Variants in NCALD observed in about 807,000 individuals in gnomAD.
NCALD encodes the protein neurocalcin delta.
A neutral mutation model predicts 18.6 loss-of-function variants in NCALD; 10 were observed. The observed-to-expected ratio is 0.54, with a 90% CI of 0.33 to 0.91. The LOEUF (loss-of-function observed/expected upper bound fraction) is 0.91. Ranked by LOEUF, NCALD falls within the 40% of genes least tolerant of loss-of-function variation. The probability of loss-of-function intolerance (pLI) is 0.03; values close to 1 mark genes in which losing one functional copy is unlikely to be tolerated. For missense variants in NCALD, 184 were observed against 247.6 expected, an observed-to-expected ratio of 0.74 and a Z score of 1.72; for synonymous variants, 88 against 87.4, an observed-to-expected ratio of 1.01 and a Z score of -0.04.
upstream of NCALD, among the ~76,000 whole-genome samples, chr8:101,791,424 T>C (rs575104963): frequency 4.6e-5 from 7 of 152,188 alleles, no homozygotes; most frequent in South Asian, 1.5e-3. Flanking sequence ...TGCAAGCAAA[T>C]ATATAAAAAC....
Position 101,799,073 on chromosome 8 carries a change from G to A in NCALD, c.-19-79425C>T, listed in dbSNP as rs185126022. 1.3e-4 allele frequency among the ~76,000 whole-genome samples: 20 copies of A among 152,124 alleles called. No homozygotes were observed. The East Asian group carries it at 3.9e-3, about 29-fold the overall frequency. Reference sequence around the variant, plus strand: ...ATATTTGACAAAGGACTCATATCTAGGACATATAAAGAACTCTCAAAACTC... The same window carrying A: ...ATATTTGACAAAGGACTCATATCTAAGACATATAAAGAACTCTCAAAACTC... On this transcript the variant is annotated intron_variant, in intron 4 of 6. Coordinates refer to the NCALD transcript ENST00000311028.
intron 2 of NCALD, among the ~76,000 whole-genome samples, chr8:101,927,976 T>A (rs1315544992): frequency 6.6e-6 from 1 of 152,236 alleles, no homozygotes; most frequent in Non-Finnish European, 1.5e-5. Flanking sequence ...AATATTTTCA[T>A]GTCTATTTAA....
At chr8:101,857,567 TCTG>T (rs1172872339) in intron 4 of NCALD, among the ~76,000 whole-genome samples, 1 of 152,176 alleles carries the variant, frequency 6.6e-6, no homozygotes, top group Non-Finnish European at 1.5e-5. Flanking sequence ...TTTGATTTGC[TCTG>T]CTATTTCCAG....
At chr8:101,761,991 A>G (rs1811131108) in intron 1 of NCALD, among the ~76,000 whole-genome samples, 1 of 152,200 alleles carries the variant, frequency 6.6e-6, no homozygotes, top group South Asian at 2.1e-4. Flanking sequence ...CTATGGAAGG[A>G]GTTGGGCCCC....
intron 2 of NCALD, among the ~76,000 whole-genome samples, chr8:101,967,161 G>T (rs533548845): frequency 1.2e-4 from 18 of 152,236 alleles, no homozygotes; most frequent in African/African-American, 4.3e-4. Context: ...CTATCTGTTG[G>T]TGATAACATC....
chr8:101,965,984 T>C (rs1046184506), intron 2 of NCALD, among the ~76,000 whole-genome samples: 9 of 152,164 alleles, frequency 5.9e-5, no homozygotes, highest in Non-Finnish European at 8.8e-5. Context: ...AGCTTTTGTA[T>C]GTTAATAAAC....
At chr8:101,850,048 TGGAC>T (rs1815028248) in intron 4 of NCALD, among the ~76,000 whole-genome samples, 1 of 152,224 alleles carries the variant, frequency 6.6e-6, no homozygotes, top group African/African-American at 2.4e-5. Flanking sequence ...AAGAGGGCTC[TGGAC>T]TGAGCATGTA....
intron 2 of NCALD, among the ~76,000 whole-genome samples, chr8:101,983,727 G>A (rs1015094453): frequency 6.6e-6 from 1 of 152,182 alleles, no homozygotes; most frequent in Admixed American, 6.5e-5. Context: ...GCCTTTCTGG[G>A]CTTTGGTTGA....
chr8:101,815,186 C>T (rs988889703), intron 4 of NCALD, among the ~76,000 whole-genome samples: 5 of 152,024 alleles, frequency 3.3e-5, no homozygotes, highest in Non-Finnish European at 7.4e-5. Context: ...AAGAACAGAG[C>T]TGGAGGACTG....
intron 2 of NCALD, among the ~76,000 whole-genome samples, chr8:101,947,079 TG>T (rs1325164884): frequency 6.6e-6 from 1 of 152,134 alleles, no homozygotes; most frequent in Non-Finnish European, 1.5e-5. Context: ...CTCAAAGAAT[TG>T]TAACAGGAGA....
At chr8:101,703,814 T>C (rs1457369890) in intron 2 of NCALD, among the ~76,000 whole-genome samples, 1 of 152,134 alleles carries the variant, frequency 6.6e-6, no homozygotes, top group African/African-American at 2.4e-5. Flanking sequence ...TCCAGAGAGC[T>C]GTGGCAGGTC....
chr8:102,055,374 C>T (rs1823615523), intron 1 of NCALD, among the ~76,000 whole-genome samples: 1 of 152,082 alleles, frequency 6.6e-6, no homozygotes, highest in Admixed American at 6.6e-5. Context: ...GACCTGTTGT[C>T]CTCACAGCCA....
intron 1 of NCALD, among the ~76,000 whole-genome samples, chr8:101,771,560 G>A (rs1416419248): frequency 6.6e-6 from 1 of 152,146 alleles, no homozygotes; most frequent in Non-Finnish European, 1.5e-5. Context: ...GTACTACAGG[G>A]CCTACCAGGA....
chr8:101,835,337 C>T (rs556670706), intron 4 of NCALD, among the ~76,000 whole-genome samples: 63 of 152,342 alleles, frequency 4.1e-4, no homozygotes, highest in African/African-American at 1.4e-3. Flanking sequence ...CTCCCAACCC[C>T]GCTTCCCTCC....
intron 1 of NCALD, chr8:102,069,975 G>C (rs1056145159): frequency 1.1e-4 from 17 of 152,144 alleles, no homozygotes; most frequent in African/African-American, 3.9e-4. Flanking sequence ...TTAGCCAGAT[G>C]TGGTGGCACT....
chr8:101,863,495 C>T (rs907599857), intron 4 of NCALD, among the ~76,000 whole-genome samples: 1 of 151,842 alleles, frequency 6.6e-6, no homozygotes, highest in Admixed American at 6.6e-5. Context: ...CCTCTATCAT[C>T]AACTGCCTTC....
upstream of NCALD, among the ~76,000 whole-genome samples, chr8:101,794,901 T>A (rs181114182): frequency 1.3e-5 from 2 of 152,224 alleles, no homozygotes; most frequent in Non-Finnish European, 2.9e-5. Flanking sequence ...TTGTTTTTAT[T>A]TTTAAATTTT....
intron 1 of NCALD, among the ~76,000 whole-genome samples, chr8:101,775,736 AC>A (rs1811765007): frequency 6.6e-6 from 1 of 152,140 alleles, no homozygotes; most frequent in Non-Finnish European, 1.5e-5. Flanking sequence ...TGCCTGTGCA[AC>A]CTTCATGCAG....
intron 1 of NCALD, among the ~76,000 whole-genome samples, chr8:102,104,791 G>T (rs920725704): frequency 6.6e-6 from 1 of 152,212 alleles, no homozygotes; most frequent in Admixed American, 6.5e-5. Context: ...CATGTGTGGG[G>T]AGTGGAAGGA....
Sources: allele counts gnomAD v4.1 joint callset (sites outside exome capture counted in the v4.1 genomes callset), GRCh38; gene constraint gnomAD v4.1.1; transcripts MANE v1.5; gene names NCBI Gene and HGNC (gene_info 2026-07-23, HGNC 2026-07-21).